The following BCAS1 variants were observed in gnomAD, a reference collection of about 807,000 sequenced individuals.
BCAS1 encodes the protein breast carcinoma-amplified sequence 1.
Under a neutral mutation model 65.4 loss-of-function variants are expected in BCAS1, and 46 were observed. That is an observed-to-expected ratio of 0.70 (90% CI 0.55 to 0.90). BCAS1 has a LOEUF of 0.90. Among genes scored for constraint, BCAS1 ranks in the 40% least tolerant of loss-of-function variants. The pLI, the probability that BCAS1 is intolerant of heterozygous loss-of-function variation, is 0.00. For missense variants in BCAS1, 793 were observed against 771.2 expected (o/e 1.03, Z -0.33); for synonymous variants, 298 against 293.5 (o/e 1.02, Z -0.16).
At chr20:54,024,438 A>G (rs2091627042) in intron 4 of BCAS1, among the ~76,000 whole-genome samples, 1 of 152,204 alleles carries the variant, frequency 6.6e-6, no homozygotes, top group South Asian at 2.1e-4. Flanking sequence ...CTCAGTGAGC[A>G]GCCAAATGGG....
chr20:53,954,921 C>T (rs937855064), intron 11 of BCAS1, among the ~76,000 whole-genome samples: 2 of 152,168 alleles, frequency 1.3e-5, no homozygotes, highest in African/African-American at 4.8e-5. Flanking sequence ...TCTGTTGTTT[C>T]AAGACAACCT....
intron 4 of BCAS1, among the ~76,000 whole-genome samples, chr20:54,014,258 C>A (rs532136941): frequency 6.6e-6 from 1 of 152,184 alleles, no homozygotes; most frequent in Non-Finnish European, 1.5e-5. Context: ...AACAGGCGTC[C>A]GTGGTGTTAG....
Position 53,996,550 on chromosome 20 carries a change from C to G in BCAS1, c.724-500G>C, listed in dbSNP as rs148603573. ...TTTGCTTTTGAGATATGAGGTTCAT[C>G]TGTGCAAGGGGTGTGATAGGGGAAC... is the stretch of plus-strand genomic sequence containing the variant. On this transcript the variant is annotated intron_variant, in intron 4 of 12. Transcript: ENST00000688948. Among the ~76,000 whole-genome samples the G allele has an allele frequency of 1.8e-4, 27 of 151,438 alleles. No individual in the cohort carries two copies. The East Asian group carries it at 4.3e-3, about 24-fold the overall frequency.
At position 54,028,638 on chromosome 20, in the gene BCAS1, G is replaced by A; in HGVS notation, c.477C>T (p.Ala159=). ...TGGCGGCAGAGAGGACCTTGTCTTG[G>A]GCCGGGGCGTGCCCTGGGGTTTTAT... is the stretch of plus-strand genomic sequence containing the variant. The part of the protein sequence containing the change: ...DTDKTPGHAP[A]QDKVLSAARD... Residue 159 remains alanine (A), a synonymous_variant, in exon 4 of 13, where the codon GCC becomes GCT. Coordinates refer to ENST00000688948, the MANE Select transcript of BCAS1 (RefSeq NM_001366298.2). 2 of 1,614,166 alleles carry A rather than the reference G, an allele frequency of 1.2e-6. No individual in the cohort carries two copies. The highest frequency in any genetic ancestry group is 3.3e-4 in the Middle Eastern group (2 of 6,062).
chr20:53,972,927 T>C (rs752858862), intron 9 of BCAS1, among the ~76,000 whole-genome samples: 3 of 152,306 alleles, frequency 2.0e-5, no homozygotes, highest in East Asian at 1.9e-4. Flanking sequence ...TGATAGGCTG[T>C]CAGAAGATGA....
At chr20:53,959,534 G>A (rs942606845) in intron 10 of BCAS1, among the ~76,000 whole-genome samples, 3 of 152,146 alleles carry the variant, frequency 2.0e-5, no homozygotes, top group Non-Finnish European at 2.9e-5. Flanking sequence ...GATTACAGGC[G>A]TGAGCCACTG....
intron 1 of BCAS1, among the ~76,000 whole-genome samples, chr20:54,066,618 C>A (rs1601062495): frequency 6.6e-6 from 1 of 152,226 alleles, no homozygotes; most frequent in East Asian, 1.9e-4. Flanking sequence ...TAAAAAGAGA[C>A]ACCAAAGAGC....
chr20:54,030,491 G>A lies in BCAS1; in HGVS notation c.143-1519C>T, dbSNP rs139538589. On this transcript the variant is annotated intron_variant, in intron 3 of 12. Transcript: ENST00000688948. ...TTGCATTTTGCTTGCTCTATCTGTA[G>A]TCAGACACTTCTTAATATCTGTTTG... Among the ~76,000 whole-genome samples the A allele has an allele frequency of 7.2e-5, 11 of 152,312 alleles. No homozygotes were observed. The East Asian group carries it at 2.1e-3, about 29-fold the overall frequency.
intron 3 of BCAS1, among the ~76,000 whole-genome samples, chr20:54,045,743 C>T (rs1400378551): frequency 6.6e-6 from 1 of 152,212 alleles, no homozygotes; most frequent in Admixed American, 6.5e-5. Context: ...ACACATCAAA[C>T]ACATTTTATA....
chr20:53,949,222 A>ACC (rs1491586530), intron 12 of BCAS1, among the ~76,000 whole-genome samples: 2 of 115,070 alleles, frequency 1.7e-5, no homozygotes, highest in Non-Finnish European at 3.9e-5. Context: ...ACACACACAC[A>ACC]CCCAGGTTTT....
chr20:54,067,096 C>T lies in BCAS1; in HGVS notation c.-6+3337G>A, dbSNP rs191750724. ...GTACAATCTAAAGTGAGGATTAGGC[C>T]GGGCGCTGTGGCTCATGCCTGTAAT... is the stretch of plus-strand genomic sequence containing the variant. On this transcript the variant is annotated intron_variant, in intron 1 of 12. Transcript: ENST00000688948. 1.5e-4 allele frequency among the ~76,000 whole-genome samples: 23 copies of T among 152,216 alleles called. No homozygotes were observed. The East Asian group carries it at 2.5e-3, about 17-fold the overall frequency.
intron 7 of BCAS1, 145 bp from the exon 8 acceptor site, chr20:53,985,644 TTA>T: frequency 5.7e-6 from 4 of 707,372 alleles, no homozygotes; most frequent in Non-Finnish European, 8.9e-6. Flanking sequence ...TTAAAAATTT[TTA>T]CTGTGAATGT....
At chr20:53,945,047 AC>A in intron 12 of BCAS1, 51 bp from the exon 13 acceptor site, 6 of 1,503,918 alleles carry the variant, frequency 4.0e-6, no homozygotes, top group Non-Finnish European at 5.6e-6. Flanking sequence ...TGTAATGTCA[AC>A]AGCAACAATG....
intron 1 of BCAS1, among the ~76,000 whole-genome samples, chr20:54,065,190 C>CAG (rs1366058630): frequency 6.6e-6 from 1 of 151,140 alleles, no homozygotes; most frequent in East Asian, 1.9e-4. Flanking sequence ...CTATCTCACA[C>CAG]ACACTATATA....
chr20:54,028,603 G>A lies in BCAS1; in HGVS notation c.512C>T (p.Thr171Met), dbSNP rs77726302. ...DKVLSAARDP[T>M]LLPPETGGAG... ...TCCCCCTGTCTCAGGTGGGAGAAGCGTGGGATCCCTGGCGGCAGAGAGGAC... is the reference window on the plus strand; with the variant it reads ...TCCCCCTGTCTCAGGTGGGAGAAGCATGGGATCCCTGGCGGCAGAGAGGAC... The change falls in exon 4 of 13, where the codon ACG becomes ATG. Residue 171 changes from threonine to methionine, a missense_variant. Physicochemically the swap from Thr to Met is moderately conservative, Grantham distance 81. Coordinates refer to ENST00000688948, the MANE Select transcript of BCAS1 (RefSeq NM_001366298.2). 5.5e-4 allele frequency: 888 copies of A among 1,614,186 alleles called. 2 individuals carry two copies. In the African/African-American group the frequency reaches 0.01, roughly 19 times the overall value.
At chr20:54,045,513 G>A (rs2092086604) in intron 3 of BCAS1, among the ~76,000 whole-genome samples, 1 of 152,206 alleles carries the variant, frequency 6.6e-6, no homozygotes, top group African/African-American at 2.4e-5. Flanking sequence ...CAGACCTGAA[G>A]AATCCCTGAG....
chr20:53,974,345 G>T (rs555884391), intron 9 of BCAS1, among the ~76,000 whole-genome samples: 7 of 152,134 alleles, frequency 4.6e-5, no homozygotes, highest in East Asian at 1.9e-4. Flanking sequence ...CACTCACTGC[G>T]AAGGTCTGTG....
chr20:53,974,090 A>T (rs1248295693), intron 9 of BCAS1, among the ~76,000 whole-genome samples: 1 of 152,094 alleles, frequency 6.6e-6, no homozygotes, highest in African/African-American at 2.4e-5. Flanking sequence ...CTCTGTGTCT[A>T]GCAAAAGGAT....
At chr20:53,972,754 T>C (rs952289018) in intron 9 of BCAS1, among the ~76,000 whole-genome samples, 1 of 152,244 alleles carries the variant, frequency 6.6e-6, no homozygotes, top group Non-Finnish European at 1.5e-5. Flanking sequence ...TTTCAGGCAC[T>C]GAAGTAAGCA....
Sources: gnomAD v4.1 joint callset for allele counts (sites outside exome capture counted in the v4.1 genomes callset) on GRCh38, gnomAD v4.1.1 for gene constraint, MANE v1.5 for transcripts, NCBI Gene and HGNC (gene_info 2026-07-23, HGNC 2026-07-21) for gene names.